The following LMO4 variants were observed in gnomAD, a reference collection of about 807,000 sequenced individuals.
LMO4 encodes the protein LIM domain only 4.
In LMO4, 3 loss-of-function variants were observed where a neutral mutation model predicts 18.5. The ratio of observed to expected loss-of-function variants is 0.16; its 90% CI spans 0.07 to 0.42. LMO4 has a LOEUF of 0.42. Among genes scored for constraint, LMO4 ranks in the 10% least tolerant of loss-of-function variants. The probability of loss-of-function intolerance (pLI) is 0.99; values close to 1 mark genes in which losing one functional copy is unlikely to be tolerated. For synonymous variants in LMO4, 100 were observed against 88.1 expected, an observed-to-expected ratio of 1.14 and a Z score of -0.76; for missense variants, 121 against 219.9, an observed-to-expected ratio of 0.55 and a Z score of 2.84.
At chr1:87,337,090 C>G (rs1196419823) in intron 2 of LMO4, among the ~76,000 whole-genome samples, 1 of 152,170 alleles carries the variant, frequency 6.6e-6, no homozygotes, top group Non-Finnish European at 1.5e-5. Context: ...AGTTATTCTG[C>G]TCTGAGGCAG....
At chr1:87,329,732 A>C (rs1324244935) in intron 1 of LMO4, among the ~76,000 whole-genome samples, 1 of 152,220 alleles carries the variant, frequency 6.6e-6, no homozygotes, top group African/African-American at 2.4e-5. Context: ...TTCTTGGCTT[A>C]TAAGTCTTTT....
At chr1:87,336,088 A>G (rs1302000676) in intron 2 of LMO4, among the ~76,000 whole-genome samples, 1 of 144,460 alleles carries the variant, frequency 6.9e-6, no homozygotes, top group Non-Finnish European at 1.5e-5. Context: ...TGGTGCTTTT[A>G]AGGTGCCTGG....
At chr1:87,330,862 G>T (rs1266088535) in intron 1 of LMO4, among the ~76,000 whole-genome samples, 1 of 152,180 alleles carries the variant, frequency 6.6e-6, no homozygotes, top group Non-Finnish European at 1.5e-5. Context: ...TTGGACTCGG[G>T]ATTGAAGGCA....
rs557590697 is a variant in LMO4, at chr1:87,347,314, C to A, written c.*2518C>A. 1 of 152,164 alleles carries A rather than the reference C, an allele frequency of 6.6e-6. No individual in the cohort carries two copies. Among genetic ancestry groups the A allele is most frequent in the African/African-American group, 2.4e-5 (1 of 41,428 alleles). The allele number at this position is 152,164 out of a possible 1,614,324, so 9.4% of individuals were successfully genotyped here. On this transcript the variant is annotated 3_prime_UTR_variant, in exon 5 of 5. Coordinates refer to ENST00000370544, the MANE Select transcript of LMO4 (RefSeq NM_006769.4). ...AGTCTTGCTTTAGGTAAAACACTTTCTTGAAACCAGAGGCATTTCAAACAA... is the reference window on the plus strand; with the variant it reads ...AGTCTTGCTTTAGGTAAAACACTTTATTGAAACCAGAGGCATTTCAAACAA...
chr1:87,336,823 G>A (rs1393213900), intron 2 of LMO4, among the ~76,000 whole-genome samples: 1 of 152,164 alleles, frequency 6.6e-6, no homozygotes, highest in African/African-American at 2.4e-5. Flanking sequence ...CCCGTTGCTT[G>A]AGTTAAAGAG....
intron 4 of LMO4, among the ~76,000 whole-genome samples, chr1:87,344,359 G>A (rs770757340): frequency 6.6e-6 from 1 of 152,168 alleles, no homozygotes; most frequent in African/African-American, 2.4e-5. Flanking sequence ...AGCAGTTTAA[G>A]CAACATTCCA....
At position 87,336,273 on chromosome 1, in the gene LMO4, A is replaced by G. The variant is rs114413114; in HGVS notation, c.237-3263A>G. Among the ~76,000 whole-genome samples the G allele has an allele frequency of 2.5e-3, 379 of 152,296 alleles. 3 individuals carry two copies. In the Middle Eastern group the frequency reaches 0.041, roughly 16 times the overall value. ...TGTGGATGTGCTTTTTTCTCCTCAG[A>G]TAGGTTGCTGATATTTACTTGCAGG... is the stretch of plus-strand genomic sequence containing the variant. On this transcript the variant is annotated intron_variant, in intron 2 of 4. Coordinates refer to ENST00000370544, the MANE Select transcript of LMO4 (RefSeq NM_006769.4).
intron 2 of LMO4, among the ~76,000 whole-genome samples, chr1:87,337,445 G>C (rs1487554945): frequency 3.3e-5 from 5 of 152,300 alleles, no homozygotes; most frequent in African/African-American, 1.2e-4. Flanking sequence ...GGGTATTTTT[G>C]AGATGGAGTG....
At chr1:87,330,692 C>T (rs1650113106) in intron 1 of LMO4, among the ~76,000 whole-genome samples, 1 of 152,164 alleles carries the variant, frequency 6.6e-6, no homozygotes, top group Admixed American at 6.5e-5. Flanking sequence ...TCGCCTTCTT[C>T]TGAGGTATCA....
At chr1:87,333,066 A>T (rs1373203924) in intron 2 of LMO4, among the ~76,000 whole-genome samples, 6 of 152,240 alleles carry the variant, frequency 3.9e-5, no homozygotes. Flanking sequence ...AAAGCAATGT[A>T]TAGGAACATT....
chr1:87,332,350 T>A, intron 2 of LMO4, 99 bp downstream of exon 2: 1 of 862,052 alleles, frequency 1.2e-6, no homozygotes, highest in Middle Eastern at 2.6e-4. Flanking sequence ...CTACGGGGAG[T>A]ATGCAGCCTT....
chr1:87,340,350 A>G, intron 4 of LMO4, 148 bp downstream of exon 4: 1 of 657,104 alleles, frequency 1.5e-6, no homozygotes, highest in Non-Finnish European at 2.5e-6. Context: ...TAGAGTGTTC[A>G]GAAGTAGGAT....
intron 2 of LMO4, among the ~76,000 whole-genome samples, chr1:87,337,064 T>G (rs1473491101): frequency 6.6e-6 from 1 of 152,236 alleles, no homozygotes; most frequent in Admixed American, 6.5e-5. Context: ...GGGATTAGAA[T>G]GTGTATAGAC....
At chr1:87,339,404 C>A in intron 2 of LMO4, 132 bp from the exon 3 acceptor site, 1 of 622,208 alleles carries the variant, frequency 1.6e-6, no homozygotes, top group South Asian at 2.1e-5. Context: ...CTCAGAAAAT[C>A]TGAGGCTTGA....
chr1:87,341,870 T>C (rs1283309751), intron 4 of LMO4, among the ~76,000 whole-genome samples: 3 of 152,218 alleles, frequency 2.0e-5, no homozygotes, highest in African/African-American at 7.2e-5. Context: ...ATTTTTGTGA[T>C]TTGGATTCTA....
In LMO4 at chr1:87,328,888, G is replaced by A. The variant is rs1650044686; in HGVS notation, c.-360G>A. 1 of 152,468 alleles carries A rather than the reference G, an allele frequency of 6.6e-6. No individual in the cohort carries two copies. The highest frequency in any genetic ancestry group is 2.4e-5 in the African/African-American group (1 of 41,396). The allele number at this position is 152,468 out of a possible 1,614,324, so 9.4% of individuals were successfully genotyped here. A position where few individuals can be genotyped will look rare whatever the true frequency, so the allele number is the denominator to read the frequency against. On this transcript the variant is annotated 5_prime_UTR_variant, in exon 1 of 5. Coordinates refer to ENST00000370544, the MANE Select transcript of LMO4 (RefSeq NM_006769.4). The stretch of plus-strand genomic sequence containing the variant: ...GCCACATTGCCAAACTTGCAGCAGC[G>A]ATTGCAGCAGTTGCTGCCGCTGCGC...
chr1:87,338,140 C>T (rs1185764095), intron 2 of LMO4, among the ~76,000 whole-genome samples: 1 of 152,186 alleles, frequency 6.6e-6, no homozygotes, highest in Non-Finnish European at 1.5e-5. Context: ...AGGCTATTTT[C>T]AATAAAGTGG....
In LMO4 at chr1:87,347,963, T is replaced by C. The variant is rs1057106992; in HGVS notation, c.*3167T>C. Reference sequence around the variant, plus strand: ...AACTGACACACCAAAATGAAGTCTGTGAAATTGTCATCCTCTTAATATTAC... The same window carrying C: ...AACTGACACACCAAAATGAAGTCTGCGAAATTGTCATCCTCTTAATATTAC... On this transcript the variant is annotated 3_prime_UTR_variant, in exon 5 of 5. Transcript: ENST00000370544. The C allele has an allele frequency of 7.9e-5, 12 of 152,186 alleles. No individual in the cohort carries two copies. Among genetic ancestry groups the C allele is most frequent in the African/African-American group, 2.7e-4 (11 of 41,450 alleles). The allele number at this position is 152,186 out of a possible 1,614,324, so 9.4% of individuals were successfully genotyped here.
At chr1:87,332,903 CAGTT>C (rs1361609490) in intron 2 of LMO4, among the ~76,000 whole-genome samples, 2 of 152,092 alleles carry the variant, frequency 1.3e-5, no homozygotes, top group Non-Finnish European at 2.9e-5. Context: ...TGCAATAATT[CAGTT>C]AGTGTGTGGT....
Sources: allele counts gnomAD v4.1 joint callset (sites outside exome capture counted in the v4.1 genomes callset), GRCh38; gene constraint gnomAD v4.1.1; transcripts MANE v1.5; gene names NCBI Gene and HGNC (gene_info 2026-07-23, HGNC 2026-07-21).